Variants in MCF2L2 observed in about 807,000 individuals in gnomAD.
The protein encoded by MCF2L2 is MCF.2 cell line derived transforming sequence-like 2.
Under a neutral mutation model 150.2 loss-of-function variants are expected in MCF2L2, and 102 were observed. The observed-to-expected ratio is 0.68, with a 90% CI of 0.58 to 0.80. MCF2L2 has a LOEUF of 0.80. Ranked by LOEUF, MCF2L2 falls within the 30% of genes least tolerant of loss-of-function variation. The pLI is 0.00. For synonymous variants in MCF2L2, 465 were observed against 491.3 expected (o/e 0.95, Z 0.71); for missense variants, 1,256 against 1,372.8 (o/e 0.91, Z 1.34).
intron 4 of MCF2L2, among the ~76,000 whole-genome samples, chr3:183,341,101 T>C (rs1396622296): frequency 2.0e-5 from 3 of 151,906 alleles, no homozygotes; most frequent in East Asian, 1.9e-4. Context: ...ATGAATAGAG[T>C]GGCAATGTCT....
At chr3:183,353,405 G>A (rs1468917770) in intron 3 of MCF2L2, among the ~76,000 whole-genome samples, 2 of 152,180 alleles carry the variant, frequency 1.3e-5, no homozygotes, top group African/African-American at 4.8e-5. Context: ...GTAATGGGAT[G>A]TATTAGCCCG....
Position 183,323,247 on chromosome 3 carries a change from T to C in MCF2L2, c.591A>G (p.Val197=). 1 of 1,610,784 alleles carries C rather than the reference T, an allele frequency of 6.2e-7. No homozygotes were observed. Among genetic ancestry groups the C allele is most frequent in the South Asian group, 1.1e-5 (1 of 90,876 alleles). ...AGCTGGTACTCACAGTGCGGTGATT[T>C]ACCCACTGACCGTGGCGATATTCCA... ...GTLEYRHGQW[V]NHRTAIENFA... The change falls in exon 6 of 30, where the codon GTA becomes GTG. Residue 197 remains valine (V), a synonymous_variant. Transcript: ENST00000328913.
At chr3:183,294,633 A>ATATAT (rs1553776075) in intron 13 of MCF2L2, among the ~76,000 whole-genome samples, 1 of 129,858 alleles carries the variant, frequency 7.7e-6, no homozygotes, top group African/African-American at 3.0e-5. Flanking sequence ...ATATATATAT[A>ATATAT]TTTTTTTTTT....
At position 183,267,335 on chromosome 3, in the gene MCF2L2, T is replaced by C. The variant is rs2108437847; in HGVS notation, c.1862+9537A>G. Among the ~76,000 whole-genome samples, 2 of 152,356 alleles carry C rather than the reference T, an allele frequency of 1.3e-5. No individual in the cohort carries two copies. The highest frequency in any genetic ancestry group is 4.1e-4 in the South Asian group (2 of 4,830). On this transcript the variant is annotated intron_variant, in intron 15 of 29. Coordinates refer to ENST00000328913, the MANE Select transcript of MCF2L2 (RefSeq NM_015078.4). The surrounding 1 kb of genome is among the most constrained non-coding windows in gnomAD (Gnocchi z 5.5). ...GGACAAAGTCTGAATGGGGCTTGGCTCTAATCTCTAGTCCTCATTGGACAT... is the reference window on the plus strand; with the variant it reads ...GGACAAAGTCTGAATGGGGCTTGGCCCTAATCTCTAGTCCTCATTGGACAT...
At chr3:183,183,965 G>C (rs764174260) in intron 27 of MCF2L2, among the ~76,000 whole-genome samples, 1 of 151,950 alleles carries the variant, frequency 6.6e-6, no homozygotes, top group East Asian at 1.9e-4. Flanking sequence ...AAACACACAG[G>C]CTCTTGACAA....
At chr3:183,298,765 G>GCGCGCGCGCGCGCACACACACACACACA in intron 11 of MCF2L2, 22 of 138,574 alleles carry the variant, frequency 1.6e-4, no homozygotes, top group South Asian at 7.2e-4. Flanking sequence ...AAACACACAT[G>GCGCGCGCGCGCGCACACACACACACACA]CACACACACA....
At chr3:183,287,112 G>C (rs1264258533) in intron 14 of MCF2L2, among the ~76,000 whole-genome samples, 2 of 151,852 alleles carry the variant, frequency 1.3e-5, no homozygotes. Flanking sequence ...CACACCTACA[G>C]GCCTCTGATT....
Position 183,206,201 on chromosome 3 carries a change from G to A in MCF2L2, c.2726C>T (p.Ser909Leu), listed in dbSNP as rs1255019510. 3 of 1,613,548 alleles carry A rather than the reference G, an allele frequency of 1.9e-6. No homozygotes were observed. The highest frequency in any genetic ancestry group is 2.5e-6 in the Non-Finnish European group (3 of 1,179,554). Residue 909 changes from serine (S) to leucine (L), a missense_variant, in exon 24 of 30, where the codon TCA becomes TTA. Transcript: ENST00000328913. Reference protein sequence around the residue: ...FKKTMKLMTLSIRQLGRGSHR... With the variant: ...FKKTMKLMTLLIRQLGRGSHR... Reference sequence around the variant, plus strand: ...GCTCCCCCTTCCAAGCTGGCGAATTGAAAGTGTCATCAGCTATTATAAAGA... The same window carrying A: ...GCTCCCCCTTCCAAGCTGGCGAATTAAAAGTGTCATCAGCTATTATAAAGA...
intron 15 of MCF2L2, among the ~76,000 whole-genome samples, chr3:183,235,787 G>C (rs1275046934): frequency 9.8e-5 from 3 of 30,606 alleles, no homozygotes; most frequent in Non-Finnish European, 1.5e-4. Flanking sequence ...CCTATGTCCT[G>C]AATGGTAATG....
Position 183,216,056 on chromosome 3 carries a change from A to C in MCF2L2, c.2409T>G (p.Thr803=). The C allele has an allele frequency of 6.2e-7, 1 of 1,614,012 alleles. No homozygotes were observed. The highest frequency in any genetic ancestry group is 8.5e-7 in the Non-Finnish European group (1 of 1,179,926). ...TCACTGCCAAAGCTTGTTGTAGTTCAGTTGAGAATGCTGAATCTTTGGTTC... is the reference window on the plus strand; with the variant it reads ...TCACTGCCAAAGCTTGTTGTAGTTCCGTTGAGAATGCTGAATCTTTGGTTC... ...PKRTKDSAFS[T]ELQQALAVIE... Residue 803 remains threonine, a synonymous_variant, in exon 22 of 30, where the codon ACT becomes ACG. Transcript: ENST00000328913.
intron 21 of MCF2L2, among the ~76,000 whole-genome samples, chr3:183,216,574 ATATATATTTTTTTTTTTTTTTTTTT>A (rs1313505792): frequency 0.012 from 649 of 54,448 alleles, 28 homozygotes; most frequent in Middle Eastern, 0.032. Context: ...ATATATATAT[ATATATATTTTTTTTTTTTTTTTTTT>A]TTTTTTTTTT....
intron 3 of MCF2L2, among the ~76,000 whole-genome samples, chr3:183,371,287 G>T (rs1391538659): frequency 9.9e-5 from 15 of 152,266 alleles, no homozygotes; most frequent in African/African-American, 3.6e-4. Flanking sequence ...AGTGCCCAAG[G>T]TGCTGGAGGC....
Position 183,341,619 on chromosome 3 carries a change from G to A in MCF2L2, c.287C>T (p.Ala96Val). 6.2e-7 allele frequency: 1 copy of A among 1,613,678 alleles called. No homozygotes were observed. Among genetic ancestry groups the A allele is most frequent in the Non-Finnish European group, 8.5e-7 (1 of 1,179,668 alleles). The change falls in exon 4 of 30, where the codon GCC (alanine) becomes GTC (valine). Residue 96 changes from alanine (A) to valine (V), a missense_variant. Ala to Val is a moderately conservative substitution (Grantham distance 64, BLOSUM62 0). Transcript: ENST00000328913. ...YLTSIPSVEA[A>V]SIGFIVVIDR... ...GATAACAACAATGAATCCAATGCTGGCAGCCTCCACACTGCAAAGAAGGGT... is the reference window on the plus strand; with the variant it reads ...GATAACAACAATGAATCCAATGCTGACAGCCTCCACACTGCAAAGAAGGGT...
intron 20 of MCF2L2, among the ~76,000 whole-genome samples, chr3:183,221,561 C>CA (rs796271911): frequency 1.2e-4 from 18 of 152,246 alleles, no homozygotes; most frequent in African/African-American, 4.3e-4. Context: ...ATGTAAATGT[C>CA]ACCTCTGTGG....
At chr3:183,192,554 C>A (rs934507849) in intron 27 of MCF2L2, 1 of 154,710 alleles carries the variant, frequency 6.5e-6, no homozygotes, top group African/African-American at 2.4e-5. Context: ...GTGGGGAGCA[C>A]AGACAGCAGG....
intron 15 of MCF2L2, chr3:183,272,836 A>C (rs191025704): frequency 1.6e-6 from 2 of 1,240,436 alleles, no homozygotes; most frequent in African/African-American, 3.1e-5. Context: ...GGTTGAAAAC[A>C]TAAGTGTCTC....
chr3:183,238,807 C>A (rs1723865329), intron 15 of MCF2L2, among the ~76,000 whole-genome samples: 1 of 150,926 alleles, frequency 6.6e-6, no homozygotes, highest in Non-Finnish European at 1.5e-5. Context: ...ACCATCCTGG[C>A]TAACACGGTG....
rs979598883 is a variant in MCF2L2 at position 183,179,933 on chromosome 3, C to A, written c.3105+138G>T. ...CAGTTTGAGGGTCTGGTGACCTCGGCTCCCTGGCTTAACCAGGTCCTTATG... is the reference window on the plus strand; with the variant it reads ...CAGTTTGAGGGTCTGGTGACCTCGGATCCCTGGCTTAACCAGGTCCTTATG... On this transcript the variant is annotated intron_variant, in intron 28 of 29. Coordinates refer to ENST00000328913, the MANE Select transcript of MCF2L2 (RefSeq NM_015078.4). This position sits in a 1 kb window ranked among gnomAD's most constrained non-coding sequence, Gnocchi z 4.2. The A allele has an allele frequency of 1.1e-5, 9 of 796,726 alleles. No homozygotes were observed. Among genetic ancestry groups the A allele is most frequent in the Non-Finnish European group, 1.7e-5 (8 of 470,854 alleles). 49.4% of individuals were successfully genotyped at this position (796,726 alleles called of 1,614,324 possible).
At chr3:183,427,841 G>A (rs946669484) in intron 1 of MCF2L2, 61 bp downstream of exon 1, 1 of 1,434,350 alleles carries the variant, frequency 7.0e-7, no homozygotes, top group African/African-American at 1.4e-5. Context: ...GCCAGATGAA[G>A]CCCAGAGACC....
Sources: allele counts gnomAD v4.1 joint callset (sites outside exome capture counted in the v4.1 genomes callset), GRCh38; gene constraint gnomAD v4.1.1; non-coding constraint Gnocchi (gnomAD v3.1); transcripts MANE v1.5; gene names NCBI Gene and HGNC (gene_info 2026-07-23, HGNC 2026-07-21).